Variants in PHF11 observed in about 807,000 individuals in gnomAD.
PHF11 encodes BRCA1 C-terminus-associated protein.
In PHF11, 38 loss-of-function variants were observed where a neutral mutation model predicts 40.5. The observed-to-expected ratio is 0.94, with a 90% CI of 0.72 to 1.23. The LOEUF (loss-of-function observed/expected upper bound fraction) is 1.23, where lower values mean the gene tolerates loss of function less well. PHF11 is among the 50% of genes most tolerant of loss of function. The pLI is 0.00. For missense variants in PHF11, 369 were observed against 392.4 expected, an observed-to-expected ratio of 0.94 and a Z score of 0.50; for synonymous variants, 127 against 138.2, an observed-to-expected ratio of 0.92 and a Z score of 0.57.
intron 8 of PHF11, chr13:49,526,052 C>A (rs551182928): frequency 2.3e-4 from 78 of 332,534 alleles, no homozygotes; most frequent in African/African-American, 1.5e-3. Flanking sequence ...GCCTGCAATC[C>A]CAACTACTTG....
chr13:49,525,645 G>T, intron 8 of PHF11: 1 of 330,822 alleles, frequency 3.0e-6, no homozygotes, highest in Non-Finnish European at 5.9e-6. Context: ...TATATTGTAG[G>T]CAACAATATA....
chr13:49,505,095 G>T (rs567411642), intron 1 of PHF11, among the ~76,000 whole-genome samples: 24 of 116,968 alleles, frequency 2.1e-4, no homozygotes, highest in Admixed American at 1.8e-3. Context: ...ACCCAAGAAT[G>T]ATAAATAAAA....
At chr13:49,497,756 T>C (rs1470502757) in intron 1 of PHF11, among the ~76,000 whole-genome samples, 1 of 152,208 alleles carries the variant, frequency 6.6e-6, no homozygotes, top group Non-Finnish European at 1.5e-5. Flanking sequence ...CCCATGTCCT[T>C]ATCTGATTTG....
intron 2 of PHF11, among the ~76,000 whole-genome samples, chr13:49,508,809 G>A (rs894909447): frequency 1.3e-5 from 2 of 151,990 alleles, no homozygotes; most frequent in African/African-American, 4.8e-5. Context: ...AATTATAGCG[G>A]TGATTACAAG....
At chr13:49,509,596 G>A (rs890255378) in intron 2 of PHF11, among the ~76,000 whole-genome samples, 7 of 152,102 alleles carry the variant, frequency 4.6e-5, no homozygotes, top group African/African-American at 7.2e-5. Context: ...TAATCCCCAC[G>A]TGTCAAGGGT....
intron 2 of PHF11, among the ~76,000 whole-genome samples, chr13:49,507,241 G>C (rs1250651833): frequency 6.6e-6 from 1 of 152,016 alleles, no homozygotes; most frequent in African/African-American, 2.4e-5. Context: ...AACTGTTTCA[G>C]ATTTAAAATA....
intron 1 of PHF11, among the ~76,000 whole-genome samples, chr13:49,500,995 C>CTTTTGTTTT (rs1958891839): frequency 1.0e-5 from 1 of 98,438 alleles, no homozygotes; most frequent in African/African-American, 5.4e-5. Flanking sequence ...GAGTCACCAA[C>CTTTTGTTTT]TTTTGTTTTT....
intron 3 of PHF11, among the ~76,000 whole-genome samples, chr13:49,514,205 C>T (rs753340935): frequency 2.1e-4 from 32 of 152,180 alleles, no homozygotes; most frequent in Non-Finnish European, 3.8e-4. Context: ...TGACTACAAC[C>T]ACAGGGTTAA....
At position 49,528,560 on chromosome 13, in the gene PHF11, G is replaced by C. The variant is rs1959407899; in HGVS notation, c.891G>C (p.Lys297Asn). ...HASQQRWQQL[K>N]EEIELLQDLK... is the part of the protein sequence containing the mutation. ...CTCAACAAAGGTGGCAGCAGTTGAA[G>C]GAAGAGATTGAGCTACTTCAGGACT... Residue 297 changes from lysine (K) to asparagine (N), a missense_variant, in exon 10 of 10, where the codon AAG (lysine) becomes AAC (asparagine). Transcript: ENST00000378319. The C allele has an allele frequency of 6.2e-7, 1 of 1,611,800 alleles. No homozygotes were observed. The highest frequency in any genetic ancestry group is 2.2e-5 in the East Asian group (1 of 44,862).
intron 5 of PHF11, 79 bp from the exon 6 acceptor site, chr13:49,521,964 A>G: frequency 1.5e-6 from 1 of 683,874 alleles, no homozygotes; most frequent in Non-Finnish European, 2.6e-6. Flanking sequence ...CTTTTGGCAT[A>G]TGAGTTGTAT....
chr13:49,527,330 G>T (rs899654249), intron 9 of PHF11: 6 of 152,160 alleles, frequency 3.9e-5, no homozygotes, highest in Non-Finnish European at 1.5e-5. Flanking sequence ...TTGGTGGATG[G>T]CTCCCCCTGA....
chr13:49,501,014 TTG>T lies in PHF11; in HGVS notation c.94+4920_94+4921del, dbSNP rs1322041751. The stretch of plus-strand genomic sequence containing the variant: ...CACCAACTTTTGTTTTTTTTTTTTT[TTG>T]GTTTTTTTTTTTCTGAAATGGAGTT... On this transcript the variant is annotated intron_variant, in intron 1 of 9. Transcript: ENST00000378319. Among the ~76,000 whole-genome samples the T allele has an allele frequency of 3.2e-4, 31 of 97,564 alleles. 2 individuals are homozygous for T. The highest frequency in any genetic ancestry group is 8.0e-4 in the African/African-American group (15 of 18,852). 64.0% of individuals were successfully genotyped at this position (97,564 alleles called of 152,430 possible). A position where few individuals can be genotyped will look rare whatever the true frequency, so the allele number is the denominator to read the frequency against.
intron 8 of PHF11, 182 bp from the exon 9 acceptor site, chr13:49,526,205 G>A: frequency 5.7e-6 from 3 of 529,200 alleles, no homozygotes; most frequent in South Asian, 2.6e-5. Flanking sequence ...AAAGAGAAAT[G>A]CCAAGAATTA....
At position 49,495,956 on chromosome 13, in the gene PHF11, TC is replaced by T. The variant is rs1176704451; in HGVS notation, c.-44del. 3.1e-6 allele frequency: 4 copies of T among 1,302,702 alleles called. No individual in the cohort carries two copies. The highest frequency in any genetic ancestry group is 4.2e-6 in the Non-Finnish European group (4 of 952,680). 80.7% of individuals were successfully genotyped at this position (1,302,702 alleles called of 1,614,324 possible). ...CGAAACCTAGTGCAGCTGGGGCACT[TC>T]CGGGATCTCGCTATCCGGCCGCCAC... On this transcript the variant is annotated 5_prime_UTR_variant, in exon 1 of 10. Coordinates refer to ENST00000378319, the MANE Select transcript of PHF11 (RefSeq NM_001040443.3).
At chr13:49,509,214 ATT>A (rs11423473) in intron 2 of PHF11, among the ~76,000 whole-genome samples, 358 of 143,900 alleles carry the variant, frequency 2.5e-3, no homozygotes, top group African/African-American at 8.6e-3. Flanking sequence ...CTTTAGTATG[ATT>A]TTTTTTTTTT....
At chr13:49,499,664 T>C (rs1471727026) in intron 1 of PHF11, among the ~76,000 whole-genome samples, 1 of 152,226 alleles carries the variant, frequency 6.6e-6, no homozygotes. Flanking sequence ...CTGTATCCAG[T>C]TCAGGTAGGC....
At chr13:49,522,687 C>T (rs1158961120) in intron 6 of PHF11, among the ~76,000 whole-genome samples, 1 of 151,444 alleles carries the variant, frequency 6.6e-6, no homozygotes, top group Admixed American at 6.6e-5. Context: ...GGGTGCTTGT[C>T]AAACACCTCT....
At chr13:49,501,320 CT>C (rs1310833988) in intron 1 of PHF11, among the ~76,000 whole-genome samples, 2 of 151,956 alleles carry the variant, frequency 1.3e-5, no homozygotes, top group South Asian at 2.1e-4. Flanking sequence ...GCCCCACTGG[CT>C]TTTTTTAAGC....
intron 4 of PHF11, among the ~76,000 whole-genome samples, chr13:49,519,359 T>C (rs1332179094): frequency 2.0e-5 from 3 of 152,026 alleles, no homozygotes; most frequent in Admixed American, 1.3e-4. Flanking sequence ...CAAGATCAAA[T>C]GAAAAGGAAT....
Sources: gnomAD v4.1 joint callset for allele counts (sites outside exome capture counted in the v4.1 genomes callset) on GRCh38, gnomAD v4.1.1 for gene constraint, MANE v1.5 for transcripts, NCBI Gene and HGNC (gene_info 2026-07-23, HGNC 2026-07-21) for gene names.